KAT14: variants seen among roughly 807,000 people sequenced by gnomAD.
The protein encoded by KAT14 is cysteine-rich protein 2-binding protein.
In KAT14, 66 loss-of-function variants were observed where a neutral mutation model predicts 78.4. The observed-to-expected ratio is 0.84, with a 90% confidence interval of 0.69 to 1.03. The LOEUF (loss-of-function observed/expected upper bound fraction) is 1.03. KAT14 is among the 50% of genes least tolerant of loss of function. The pLI, the probability that KAT14 is intolerant of heterozygous loss-of-function variation, is 0.00. For synonymous variants in KAT14, 344 were observed against 359.4 expected (o/e 0.96, Z 0.48); for missense variants, 870 against 972.5 (o/e 0.89, Z 1.40).
Position 18,181,721 on chromosome 20 carries a change from G to C in KAT14, c.1680G>C (p.Pro560=). The C allele has an allele frequency of 3.1e-6, 5 of 1,614,066 alleles. No homozygotes were observed. The highest frequency in any genetic ancestry group is 4.2e-6 in the Non-Finnish European group (5 of 1,179,992). The change falls in exon 8 of 11, where the codon CCG becomes CCC. Residue 560 remains proline (P), a synonymous_variant. Transcript: ENST00000688188. ...TTTCTTTCTCATAGACTTCCTTGCCGTCCAGGAAGGGATTTCGACACCAGA... is the reference window on the plus strand; with the variant it reads ...TTTCTTTCTCATAGACTTCCTTGCCCTCCAGGAAGGGATTTCGACACCAGA... ...RILDRYQTSL[P]SRKGFRHQTT...
At chr20:18,139,632 A>AGGTGTGTG (rs1203664163) in intron 1 of KAT14, among the ~76,000 whole-genome samples, 1,192 of 99,838 alleles carry the variant, frequency 0.012, 4 homozygotes, top group Admixed American at 0.021. Context: ...AACCAAAATA[A>AGGTGTGTG]CGTGTGTGTG....
intron 7 of KAT14, among the ~76,000 whole-genome samples, chr20:18,167,964 T>C (rs1055731242): frequency 2.6e-5 from 4 of 152,222 alleles, no homozygotes; most frequent in African/African-American, 7.2e-5. Context: ...ACATAAATCT[T>C]TACTAAATTA....
intron 7 of KAT14, among the ~76,000 whole-genome samples, chr20:18,167,753 G>A (rs1358556505): frequency 3.3e-5 from 5 of 152,108 alleles, no homozygotes; most frequent in Admixed American, 3.3e-4. Flanking sequence ...ATTATGATCA[G>A]AGAAAATAGT....
At chr20:18,163,084 A>G in intron 7 of KAT14, 139 bp downstream of exon 7, 1 of 1,118,556 alleles carries the variant, frequency 8.9e-7, no homozygotes, top group Non-Finnish European at 1.2e-6. Flanking sequence ...GTGCAAGGGA[A>G]AAAAATACAA....
rs1164718163 is a variant in KAT14 at position 18,162,878 on chromosome 20, G to T, written c.1601G>T (p.Arg534Ile). The T allele has an allele frequency of 1.2e-6, 2 of 1,614,192 alleles. No individual in the cohort carries two copies. Among genetic ancestry groups the T allele is most frequent in the Admixed American group, 1.7e-5 (1 of 60,030 alleles). ...IYGAKEGGIS[R>I]LPAGQATYRT... ...GGAGCCAAAGAAGGAGGAATTTCCA[G>T]ACTTCCAGCTGGACAAGCCACGTAC... The change falls in exon 7 of 11, where the codon AGA becomes ATA. Residue 534 changes from arginine (R) to isoleucine (I), a missense_variant. Transcript: ENST00000688188.
chr20:18,181,409 C>T (rs558540258), intron 7 of KAT14, among the ~76,000 whole-genome samples: 5 of 141,656 alleles, frequency 3.5e-5, no homozygotes, highest in South Asian at 2.2e-4. Flanking sequence ...CGCTCTATCG[C>T]CCAGGCTGGA....
At chr20:18,179,590 G>C (rs76928182) in intron 7 of KAT14, among the ~76,000 whole-genome samples, 17,984 of 152,148 alleles carry the variant, frequency 0.12, 1,381 homozygotes, top group African/African-American at 0.22. Context: ...GACTGGAGCG[G>C]CTGGGGCACA....
At chr20:18,186,533 A>G (rs1000153774) in intron 10 of KAT14, among the ~76,000 whole-genome samples, 2 of 152,240 alleles carry the variant, frequency 1.3e-5, no homozygotes, top group African/African-American at 4.8e-5. Context: ...ATAAATCTCA[A>G]GGACTCTATC....
intron 3 of KAT14, among the ~76,000 whole-genome samples, chr20:18,146,951 A>G (rs2146359231): frequency 6.6e-6 from 1 of 152,310 alleles, no homozygotes; most frequent in South Asian, 2.1e-4. Flanking sequence ...GCCTGAGACT[A>G]CTGTGGTGAA....
chr20:18,180,368 C>T (rs1232551751), intron 7 of KAT14, among the ~76,000 whole-genome samples: 2 of 152,164 alleles, frequency 1.3e-5, no homozygotes, highest in African/African-American at 4.8e-5. Context: ...TCAGCCTGGA[C>T]CTTATTGTTC....
At chr20:18,175,798 C>A (rs1044245522) in intron 7 of KAT14, among the ~76,000 whole-genome samples, 1 of 151,578 alleles carries the variant, frequency 6.6e-6, no homozygotes, top group Non-Finnish European at 1.5e-5. Context: ...GCAGGCAGAT[C>A]ACTTGAGCTC....
In KAT14 at chr20:18,187,421, G is replaced by A. The variant is rs762580071; in HGVS notation, c.2308G>A (p.Glu770Lys). The change falls in exon 11 of 11, where the codon GAG becomes AAG. Residue 770 changes from glutamate to lysine, a missense_variant. By Grantham distance (56) the Glu-to-Lys change is moderately conservative. Transcript: ENST00000688188. Reference sequence around the variant, plus strand: ...TAAATATTACCCATTGGAGAGTACAGAGTGTAAACACGCATTCTTTCTGAG... The same window carrying A: ...TAAATATTACCCATTGGAGAGTACAAAGTGTAAACACGCATTCTTTCTGAG... ...YDKYYPLEST[E>K]CKHAFFLRLR... 2.5e-6 allele frequency: 4 copies of A among 1,614,190 alleles called. No individual in the cohort carries two copies. Among genetic ancestry groups the A allele is most frequent in the South Asian group, 2.2e-5 (2 of 91,068 alleles).
intron 7 of KAT14, among the ~76,000 whole-genome samples, chr20:18,177,081 C>T (rs1191042622): frequency 6.6e-6 from 1 of 152,198 alleles, no homozygotes; most frequent in African/African-American, 2.4e-5. Context: ...TTATCTGTTG[C>T]TGCATTATAA....
intron 5 of KAT14, among the ~76,000 whole-genome samples, chr20:18,161,448 A>G (rs962444993): frequency 2.6e-5 from 4 of 152,282 alleles, no homozygotes; most frequent in African/African-American, 9.6e-5. Flanking sequence ...AGAGATATCT[A>G]AGTCTTTTTT....
chr20:18,140,763 G>GAA (rs1189532133), intron 1 of KAT14, among the ~76,000 whole-genome samples: 1 of 136,756 alleles, frequency 7.3e-6, no homozygotes, highest in Non-Finnish European at 1.5e-5. Flanking sequence ...AGTGAGCTAA[G>GAA]ATCGTGCCAT....
intron 9 of KAT14, among the ~76,000 whole-genome samples, chr20:18,183,979 A>G (rs2039358357): frequency 6.6e-6 from 1 of 152,238 alleles, no homozygotes; most frequent in African/African-American, 2.4e-5. Context: ...TCACATAATC[A>G]CATAACTGTG....
At chr20:18,159,407 T>C in intron 5 of KAT14, 142 bp downstream of exon 5, 2 of 854,140 alleles carry the variant, frequency 2.3e-6, no homozygotes, top group Non-Finnish European at 3.4e-6. Flanking sequence ...GTGATGACAC[T>C]TGTGTGTGTG....
intron 7 of KAT14, among the ~76,000 whole-genome samples, chr20:18,163,460 C>G (rs1357677548): frequency 6.6e-6 from 1 of 152,210 alleles, no homozygotes; most frequent in African/African-American, 2.4e-5. Flanking sequence ...CTTAGAACTA[C>G]CTGTATATAC....
At chr20:18,147,457 T>C (rs77790934) in intron 3 of KAT14, among the ~76,000 whole-genome samples, 5,173 of 152,304 alleles carry the variant, frequency 0.034, 152 homozygotes, top group African/African-American at 0.077. Context: ...AGAGCAAATA[T>C]ATGTAAATTT....
Sources: allele counts gnomAD v4.1 joint callset (sites outside exome capture counted in the v4.1 genomes callset), GRCh38; gene constraint gnomAD v4.1.1; transcripts MANE v1.5; gene names NCBI Gene and HGNC (gene_info 2026-07-23, HGNC 2026-07-21).